Variants in SPOCK1 observed in about 807,000 individuals in gnomAD.
SPOCK1 encodes testican-1.
SPOCK1 carries 23 observed loss-of-function variants against 55.3 expected under a neutral mutation model. The ratio of observed to expected loss-of-function variants is 0.42; its 90% CI spans 0.30 to 0.59. The LOEUF is 0.59. SPOCK1 is among the 20% of genes least tolerant of loss of function. The pLI is 0.22. For synonymous variants in SPOCK1, 226 were observed against 221.0 expected (o/e 1.02, Z -0.20); for missense variants, 499 against 552.5 (o/e 0.90, Z 0.97).
intron 2 of SPOCK1, among the ~76,000 whole-genome samples, chr5:137,323,348 T>C (rs1758014177): frequency 6.6e-6 from 1 of 152,082 alleles, no homozygotes; most frequent in Non-Finnish European, 1.5e-5. Context: ...ATGCAAAAAG[T>C]AACCAAAGGA....
At chr5:137,421,422 G>A (rs1318232163) in intron 2 of SPOCK1, among the ~76,000 whole-genome samples, 7 of 152,130 alleles carry the variant, frequency 4.6e-5, no homozygotes, top group Non-Finnish European at 1.0e-4. Flanking sequence ...TTATTATTGT[G>A]CGGGAGACTA....
intron 6 of SPOCK1, among the ~76,000 whole-genome samples, chr5:137,017,806 A>G (rs182272917): frequency 6.6e-6 from 1 of 152,334 alleles, no homozygotes; most frequent in Non-Finnish European, 1.5e-5. Context: ...TAAAGGAAAA[A>G]TTTTAAAAAA....
chr5:137,267,275 T>A (rs1258817583), intron 2 of SPOCK1, among the ~76,000 whole-genome samples: 2 of 152,202 alleles, frequency 1.3e-5, no homozygotes, highest in African/African-American at 2.4e-5. Flanking sequence ...CTGGGAATAG[T>A]AAAAACATTT....
intron 2 of SPOCK1, among the ~76,000 whole-genome samples, chr5:137,303,336 T>A (rs533948571): frequency 6.6e-6 from 1 of 152,018 alleles, no homozygotes. Context: ...AAGCACCTGC[T>A]ACTTGGGAGG....
chr5:137,179,637 G>A (rs1374140824), intron 3 of SPOCK1, among the ~76,000 whole-genome samples: 1 of 152,130 alleles, frequency 6.6e-6, no homozygotes, highest in East Asian at 1.9e-4. Flanking sequence ...CAGATTGTTT[G>A]CCTTGCTCTA....
intron 2 of SPOCK1, among the ~76,000 whole-genome samples, chr5:137,398,124 T>C (rs1275690778): frequency 1.3e-5 from 2 of 151,930 alleles, no homozygotes; most frequent in Non-Finnish European, 2.9e-5. Context: ...CCTGAGCCCA[T>C]TCCACTGGCC....
At chr5:137,213,878 C>T (rs1755664458) in intron 3 of SPOCK1, among the ~76,000 whole-genome samples, 1 of 152,174 alleles carries the variant, frequency 6.6e-6, no homozygotes, top group Non-Finnish European at 1.5e-5. Context: ...CATTTTAATT[C>T]ATTGTACTCT....
In SPOCK1 at chr5:137,166,371, G is replaced by T. The variant is rs556158581; in HGVS notation, c.233-25677C>A. ...TAAAGACATTCCCAGACAGACAAAA[G>T]CTGAGGGATTTCATCAACACCAGAC... is the stretch of plus-strand genomic sequence containing the variant. On this transcript the variant is annotated intron_variant, in intron 3 of 10. Coordinates refer to ENST00000394945, the MANE Select transcript of SPOCK1 (RefSeq NM_004598.4). Among the ~76,000 whole-genome samples the T allele has an allele frequency of 2.0e-4, 31 of 151,914 alleles. No individual in the cohort carries two copies. In the South Asian group the frequency reaches 6.0e-3, roughly 30 times the overall value.
At chr5:137,288,115 G>A (rs956487341) in intron 2 of SPOCK1, among the ~76,000 whole-genome samples, 10 of 152,170 alleles carry the variant, frequency 6.6e-5, no homozygotes, top group Admixed American at 4.6e-4. Context: ...CATTGATGGT[G>A]CTCACTCAGC....
At chr5:137,108,119 T>A (rs1235651590) in intron 5 of SPOCK1, among the ~76,000 whole-genome samples, 7 of 152,198 alleles carry the variant, frequency 4.6e-5, no homozygotes, top group Non-Finnish European at 1.0e-4. Context: ...TCACTCTTAC[T>A]AATTGAGCAT....
At chr5:137,498,302 C>T in intron 2 of SPOCK1, 71 bp downstream of exon 2, 1 of 1,286,256 alleles carries the variant, frequency 7.8e-7, no homozygotes, top group Non-Finnish European at 1.0e-6. Flanking sequence ...ACACACACAC[C>T]CCAACCCCGC....
chr5:137,161,007 GATATAT>G (rs34405933), intron 3 of SPOCK1, among the ~76,000 whole-genome samples: 54,124 of 141,896 alleles, frequency 0.38, 10,819 homozygotes, highest in Middle Eastern at 0.49. Flanking sequence ...GAAACTGTGA[GATATAT>G]ATATATATAT....
intron 2 of SPOCK1, among the ~76,000 whole-genome samples, chr5:137,305,219 T>C (rs962353821): frequency 6.6e-6 from 1 of 152,208 alleles, no homozygotes; most frequent in African/African-American, 2.4e-5. Context: ...CTCATGCTTA[T>C]CCCATGATAA....
intron 2 of SPOCK1, among the ~76,000 whole-genome samples, chr5:137,276,282 A>G (rs1323405950): frequency 6.6e-6 from 1 of 151,764 alleles, no homozygotes; most frequent in East Asian, 1.9e-4. Flanking sequence ...ACTCCTCCTT[A>G]CCCTTCTTTT....
intron 3 of SPOCK1, among the ~76,000 whole-genome samples, chr5:137,242,218 C>A (rs1198453298): frequency 6.6e-6 from 1 of 152,114 alleles, no homozygotes; most frequent in Non-Finnish European, 1.5e-5. Flanking sequence ...TTGGCTGTAT[C>A]CTCACCCAAA....
chr5:137,018,102 T>C (rs993183729), intron 6 of SPOCK1, among the ~76,000 whole-genome samples: 1 of 152,226 alleles, frequency 6.6e-6, no homozygotes, highest in Admixed American at 6.5e-5. Flanking sequence ...ACTTTTGTCC[T>C]TCATAACTGG....
rs1280074826 is a variant in SPOCK1, at chr5:137,305,246, G to A, written c.187-38191C>T. 4.6e-5 allele frequency among the ~76,000 whole-genome samples: 7 copies of A among 152,102 alleles called. No individual in the cohort carries two copies. In the South Asian group the frequency reaches 1.2e-3, roughly 27 times the overall value. On this transcript the variant is annotated intron_variant, in intron 2 of 10. Coordinates refer to ENST00000394945, the MANE Select transcript of SPOCK1 (RefSeq NM_004598.4). Reference sequence around the variant, plus strand: ...CCATGATAAGCATCTAGTGGTTGTCGGCCACCCTGGGTGTTTGCCTGAAGG... The same window carrying A: ...CCATGATAAGCATCTAGTGGTTGTCAGCCACCCTGGGTGTTTGCCTGAAGG...
At chr5:137,008,361 T>C (rs1336421010) in intron 6 of SPOCK1, among the ~76,000 whole-genome samples, 1 of 147,592 alleles carries the variant, frequency 6.8e-6, no homozygotes, top group Non-Finnish European at 1.5e-5. Flanking sequence ...GATACCCAAG[T>C]AACTTAGGAG....
At position 137,183,955 on chromosome 5, in the gene SPOCK1, G is replaced by A. The variant is rs528774686; in HGVS notation, c.233-43261C>T. Among the ~76,000 whole-genome samples the A allele has an allele frequency of 1.1e-3, 170 of 152,234 alleles. 1 individual carries two copies. Among genetic ancestry groups the A allele is most frequent in the African/African-American group, 3.9e-3 (162 of 41,546 alleles). On this transcript the variant is annotated intron_variant, in intron 3 of 10. Coordinates refer to ENST00000394945, the MANE Select transcript of SPOCK1 (RefSeq NM_004598.4). Reference sequence around the variant, plus strand: ...CACAGAACTGTGACTATTATCTATCGCATAGGAGACAATCCAGCCAACACA... The same window carrying A: ...CACAGAACTGTGACTATTATCTATCACATAGGAGACAATCCAGCCAACACA...
Sources: gnomAD v4.1 joint callset for allele counts (sites outside exome capture counted in the v4.1 genomes callset) on GRCh38, gnomAD v4.1.1 for gene constraint, MANE v1.5 for transcripts, NCBI Gene and HGNC (gene_info 2026-07-23, HGNC 2026-07-21) for gene names.